KCNG1: variants seen among roughly 807,000 people sequenced by gnomAD.
The protein encoded by KCNG1 is voltage-gated potassium channel regulatory subunit KCNG1.
Under a neutral mutation model 32.4 loss-of-function variants are expected in KCNG1, and 17 were observed. That is an observed-to-expected ratio of 0.52 (90% confidence interval 0.36 to 0.79). KCNG1 has a LOEUF of 0.79. Ranked by LOEUF, KCNG1 falls within the 30% of genes least tolerant of loss-of-function variation. The pLI, the probability that KCNG1 is intolerant of heterozygous loss-of-function variation, is 0.00. For missense variants in KCNG1, 441 were observed against 735.2 expected (o/e 0.60, Z 4.63); for synonymous variants, 358 against 339.9 (o/e 1.05, Z -0.59).
At position 51,004,991 on chromosome 20, in the gene KCNG1, A is replaced by G; in HGVS notation, c.775-185T>C. On this transcript the variant is annotated intron_variant, in intron 2 of 2. Coordinates refer to ENST00000371571, the MANE Select transcript of KCNG1 (RefSeq NM_002237.4). The surrounding 1 kb of genome is among the most constrained non-coding windows in gnomAD (Gnocchi z 4.3). Reference sequence around the variant, plus strand: ...CTGGGGCACTAAGCACCATCTCTACACTGGCCGCTCCTCATCTCTCTCTCC... The same window carrying G: ...CTGGGGCACTAAGCACCATCTCTACGCTGGCCGCTCCTCATCTCTCTCTCC... 1 of 548,652 alleles carries G rather than the reference A, an allele frequency of 1.8e-6. No homozygotes were observed. The highest frequency in any genetic ancestry group is 3.1e-5 in the East Asian group (1 of 32,000). 34.0% of individuals were successfully genotyped at this position (548,652 alleles called of 1,614,324 possible).
At chr20:51,017,045 T>G (rs1040613537) in intron 1 of KCNG1, among the ~76,000 whole-genome samples, 2 of 152,198 alleles carry the variant, frequency 1.3e-5, no homozygotes, top group African/African-American at 4.8e-5. Context: ...AATAAATTAT[T>G]TGCACTCAAA....
At position 51,010,181 on chromosome 20, in the gene KCNG1, C is replaced by A. The variant is rs747674837; in HGVS notation, c.158G>T (p.Arg53Leu). 1.2e-6 allele frequency: 2 copies of A among 1,603,166 alleles called. No individual in the cohort carries two copies. The highest frequency in any genetic ancestry group is 1.7e-4 in the Middle Eastern group (1 of 6,030). ...AQRLRPQDEP[R>L]QGCQPEDRRR... ...GCGGTCCTCGGGCTGACAGCCCTGG[C>A]GGGGCTCATCCTGCGGCCGCAGCCG... Residue 53 changes from arginine to leucine, a missense_variant, in exon 2 of 3, where the codon CGC (arginine) becomes CTC (leucine). Physicochemically the swap from Arg to Leu is moderately radical, Grantham distance 102. This residue lies in a region of KCNG1 where 85 missense variants were observed against 98.2 expected (regional missense o/e 0.87). Coordinates refer to ENST00000371571, the MANE Select transcript of KCNG1 (RefSeq NM_002237.4).
At chr20:51,020,370 G>A (rs1229184122) in intron 1 of KCNG1, among the ~76,000 whole-genome samples, 1 of 152,140 alleles carries the variant, frequency 6.6e-6, no homozygotes, top group African/African-American at 2.4e-5. Flanking sequence ...TCTGGAGGGA[G>A]AGCATGATCG....
At chr20:51,014,879 G>A (rs1568803611) in intron 1 of KCNG1, among the ~76,000 whole-genome samples, 1 of 152,224 alleles carries the variant, frequency 6.6e-6, no homozygotes, top group Non-Finnish European at 1.5e-5. Flanking sequence ...AGCCCCGTGA[G>A]GACCTGGCAG....
At chr20:51,008,285 G>A (rs1386640817) in intron 2 of KCNG1, among the ~76,000 whole-genome samples, 1 of 152,052 alleles carries the variant, frequency 6.6e-6, no homozygotes, top group African/African-American at 2.4e-5. Context: ...TGTATATGTT[G>A]GTGGCGGGGC....
At chr20:51,021,422 G>A (rs1399626702) in intron 1 of KCNG1, among the ~76,000 whole-genome samples, 2 of 152,130 alleles carry the variant, frequency 1.3e-5, no homozygotes, top group African/African-American at 2.4e-5. Context: ...CCACAGTGCC[G>A]ACCGCAAGGC....
At position 51,004,687 on chromosome 20, in the gene KCNG1, C is replaced by A. The variant is rs1210690075; in HGVS notation, c.894G>T (p.Arg298=). The part of the protein sequence containing the change: ...IQAPSKFAFL[R]SPLTLIDLVA... ...CCAGGTCGATCAGCGTCAGCGGGCT[C>A]CGCAGGAAGGCGAACTTGCTGGGCG... The change falls in exon 3 of 3, where the codon CGG becomes CGT. Residue 298 remains arginine, a synonymous_variant. Transcript: ENST00000371571. The surrounding 1 kb of genome is among the most constrained non-coding windows in gnomAD (Gnocchi z 4.3). The A allele has an allele frequency of 1.9e-6, 3 of 1,601,662 alleles. No homozygotes were observed. The highest frequency in any genetic ancestry group is 2.6e-6 in the Non-Finnish European group (3 of 1,174,294).
chr20:51,009,247 C>T (rs1031986531), intron 2 of KCNG1, among the ~76,000 whole-genome samples: 33 of 152,150 alleles, frequency 2.2e-4, no homozygotes, highest in African/African-American at 8.0e-4. Flanking sequence ...AATCACACCA[C>T]CCATTTATTC....
Position 51,009,625 on chromosome 20 carries a change from G to A in KCNG1, c.714C>T (p.Thr238=), listed in dbSNP as rs752993331. ...TGACGGAGAGGTTGACGGCGGTGAC[G>A]GTCACGAAGAGCACCGACAGGCAGG... The part of the protein sequence containing the change: ...VFACLSVLFV[T]VTAVNLSVST... Residue 238 remains threonine (T), a synonymous_variant, in exon 2 of 3, where the codon ACC becomes ACT. Transcript: ENST00000371571. 4.3e-6 allele frequency: 7 copies of A among 1,610,406 alleles called. No homozygotes were observed. The East Asian group carries it at 1.6e-4, about 36-fold the overall frequency.
At position 51,005,027 on chromosome 20, in the gene KCNG1, T is replaced by C; in HGVS notation, c.775-221A>G. ...CTCATCTCTCTCTCCAGCCCCCACC[T>C]CAGCCCTGAACTCCAGACCCCCAAC... On this transcript the variant is annotated intron_variant, in intron 2 of 2. Transcript: ENST00000371571. The surrounding 1 kb of genome is among the most constrained non-coding windows in gnomAD (Gnocchi z 4.0). 2.2e-6 allele frequency: 1 copy of C among 452,122 alleles called. No individual in the cohort carries two copies. Among genetic ancestry groups the C allele is most frequent in the Non-Finnish European group, 3.8e-6 (1 of 259,758 alleles). 28.0% of individuals were successfully genotyped at this position (452,122 alleles called of 1,614,324 possible). A position where few individuals can be genotyped will look rare whatever the true frequency, so the allele number is the denominator to read the frequency against.
Position 51,015,610 on chromosome 20 carries a change from C to T in KCNG1, c.-26-5246G>A, listed in dbSNP as rs925858040. ...GGTAGCCACTGAAGCTGCATCACAT[C>T]AGGCCAGAGTGGTCAGGGCAGGGCA... On this transcript the variant is annotated intron_variant, in intron 1 of 2. Transcript: ENST00000371571. The surrounding 1 kb of genome is among the most constrained non-coding windows in gnomAD (Gnocchi z 4.4). Among the ~76,000 whole-genome samples the T allele has an allele frequency of 1.3e-5, 2 of 152,198 alleles. No homozygotes were observed. Among genetic ancestry groups the T allele is most frequent in the Non-Finnish European group, 2.9e-5 (2 of 68,024 alleles).
At position 51,004,161 on chromosome 20, in the gene KCNG1, G is replaced by T; in HGVS notation, c.1420C>A (p.Gln474Lys). ...SRSYLELKQEQERVMFRRAQF... is the reference protein window; with the variant it reads ...SRSYLELKQEKERVMFRRAQF... ...GCCCTCCGGAACATCACCCTCTCTT[G>T]CTCCTGCTTGAGCTCCAGGTAGGAG... The change falls in exon 3 of 3, where the codon CAA (glutamine) becomes AAA (lysine). Residue 474 changes from glutamine (Q) to lysine (K), a missense_variant. By Grantham distance (53) the Gln-to-Lys change is moderately conservative. Transcript: ENST00000371571. The surrounding 1 kb of genome is among the most constrained non-coding windows in gnomAD (Gnocchi z 4.3). 1.9e-6 allele frequency: 3 copies of T among 1,614,172 alleles called. No homozygotes were observed. Among genetic ancestry groups the T allele is most frequent in the East Asian group, 2.2e-5 (1 of 44,874 alleles).
Position 51,005,035 on chromosome 20 carries a change from GAACT to G in KCNG1, c.775-233_775-230del. The G allele has an allele frequency of 4.6e-6, 2 of 431,362 alleles. No homozygotes were observed. The highest frequency in any genetic ancestry group is 8.1e-6 in the Non-Finnish European group (2 of 247,084). 26.7% of individuals were successfully genotyped at this position (431,362 alleles called of 1,614,324 possible). A position where few individuals can be genotyped will look rare whatever the true frequency, so the allele number is the denominator to read the frequency against. ...TCTCTCCAGCCCCCACCTCAGCCCTGAACTCCAGACCCCCAACAGGCTGCCTCCC... is the reference window on the plus strand; with the variant it reads ...TCTCTCCAGCCCCCACCTCAGCCCTGCCAGACCCCCAACAGGCTGCCTCCC... On this transcript the variant is annotated intron_variant, in intron 2 of 2. Transcript: ENST00000371571. This position sits in a 1 kb window ranked among gnomAD's most constrained non-coding sequence, Gnocchi z 4.0.
At position 51,010,324 on chromosome 20, in the gene KCNG1, C is replaced by T. The variant is rs913335879; in HGVS notation, c.15G>A (p.Pro5=). 8 of 1,504,076 alleles carry T rather than the reference C, an allele frequency of 5.3e-6. No individual in the cohort carries two copies. The highest frequency in any genetic ancestry group is 7.0e-6 in the Non-Finnish European group (8 of 1,135,662). 93.2% of individuals were successfully genotyped at this position (1,504,076 alleles called of 1,614,324 possible). ...TGTAGTCGTAGTCAGAATTGTCTCC[C>T]GGTAAGAGGGTCATTTTGGGCCTTC... is the stretch of plus-strand genomic sequence containing the variant. MTLL[P]GDNSDYDYSA... The change falls in exon 2 of 3, where the codon CCG becomes CCA. Residue 5 remains proline (P), a synonymous_variant. Transcript: ENST00000371571.
Position 51,010,141 on chromosome 20 carries a change from G to A in KCNG1, c.198C>T (p.Ile66=). 1 of 1,612,882 alleles carries A rather than the reference G, an allele frequency of 6.2e-7. No individual in the cohort carries two copies. Among genetic ancestry groups the A allele is most frequent in the Non-Finnish European group, 8.5e-7 (1 of 1,179,482 alleles). ...CQPEDRRRRI[I]INVGGIKYSL... is the part of the protein sequence containing the mutation. ...AGTACTTGATGCCGCCTACGTTGAT[G>A]ATGATCCGACGGCGGCGGTCCTCGG... The change falls in exon 2 of 3, where the codon ATC becomes ATT. Residue 66 remains isoleucine (I), a synonymous_variant. Transcript: ENST00000371571.
In KCNG1 at chr20:51,009,948, G is replaced by A; in HGVS notation, c.391C>T (p.Leu131=). 6.2e-7 allele frequency: 1 copy of A among 1,613,912 alleles called. No individual in the cohort carries two copies. Among genetic ancestry groups the A allele is most frequent in the African/African-American group, 1.3e-5 (1 of 75,074 alleles). The change falls in exon 2 of 3, where the codon CTG becomes TTG. Residue 131 remains leucine, a synonymous_variant. Coordinates refer to ENST00000371571, the MANE Select transcript of KCNG1 (RefSeq NM_002237.4). ...AGCAGCCGCAGCTTGCCCGCGCGCA[G>A]GAAGGTCAGGATAGTGCCGAAGGCC... ...PGAFGTILTF[L]RAGKLRLLRE...
chr20:51,018,097 C>A (rs1021611975), intron 1 of KCNG1, among the ~76,000 whole-genome samples: 2 of 152,172 alleles, frequency 1.3e-5, no homozygotes, highest in Non-Finnish European at 2.9e-5. Context: ...CACGTGACCA[C>A]CCTGAGGTCA....
chr20:51,004,396 G>C lies in KCNG1; in HGVS notation c.1185C>G (p.Leu395=), dbSNP rs200514789. 3 of 1,613,124 alleles carry C rather than the reference G, an allele frequency of 1.9e-6. No individual in the cohort carries two copies. The highest frequency in any genetic ancestry group is 2.7e-5 in the African/African-American group (2 of 74,924). The change falls in exon 3 of 3, where the codon CTC becomes CTG. Residue 395 remains leucine (L), a synonymous_variant. Coordinates refer to ENST00000371571, the MANE Select transcript of KCNG1 (RefSeq NM_002237.4). The surrounding 1 kb of genome is among the most constrained non-coding windows in gnomAD (Gnocchi z 4.3). The part of the protein sequence containing the change: ...CVAIALFAPL[L]YVIENEMADS... ...CGGCCATCTCGTTCTCGATGACGTA[G>C]AGCAGGGGCGCGAAGAGGGCGATGG...
intron 1 of KCNG1, among the ~76,000 whole-genome samples, chr20:51,020,656 A>T (rs1988446183): frequency 6.6e-6 from 1 of 152,214 alleles, no homozygotes; most frequent in South Asian, 2.1e-4. Context: ...GCAACAACCA[A>T]GGGTAGATTC....
Sources: gnomAD v4.1 joint callset for allele counts (sites outside exome capture counted in the v4.1 genomes callset) on GRCh38, gnomAD v4.1.1 for gene constraint, gnomAD v4.1.1 regional missense constraint, Gnocchi (gnomAD v3.1) non-coding constraint, MANE v1.5 for transcripts, NCBI Gene and HGNC (gene_info 2026-07-23, HGNC 2026-07-21) for gene names.